The following IL13RA1 variants were observed in gnomAD, a reference collection of about 807,000 sequenced individuals.
IL13RA1 encodes interleukin-13 receptor subunit alpha-1.
Under a neutral mutation model 33.8 loss-of-function variants are expected in IL13RA1, and 14 were observed. That is an observed-to-expected ratio of 0.41 (90% CI 0.27 to 0.65). The LOEUF (loss-of-function observed/expected upper bound fraction) is 0.65. IL13RA1 is among the 30% of genes least tolerant of loss of function. The pLI is 0.28. For missense variants in IL13RA1, 313 were observed against 327.0 expected (o/e 0.96, Z 0.33); for synonymous variants, 116 against 115.7 (o/e 1.00, Z -0.02).
At chrX:118,804,450 A>G in the IL13RA1 span, among the ~76,000 whole-genome samples, 1 of 109,468 alleles carries the variant, frequency 9.1e-6, no homozygotes, top group African/African-American at 3.3e-5. Context: ...CCAACTTCTA[A>G]TATGTCTACG....
intron 1 of IL13RA1, among the ~76,000 whole-genome samples, chrX:118,730,289 C>G (rs1023579847): frequency 8.9e-6 from 1 of 112,182 alleles, no homozygotes; most frequent in Non-Finnish European, 1.9e-5. Flanking sequence ...CAGAGCAAGA[C>G]TGTCTCAAAA....
intron 5 of IL13RA1, 93 bp downstream of exon 5, chrX:118,758,335 G>A (rs1283394240): frequency 2.3e-6 from 1 of 426,488 alleles, no homozygotes; most frequent in African/African-American, 2.4e-5. Context: ...GATCATTCTG[G>A]GTTTAAGATC....
At chrX:118,745,556 A>C (rs183686044) in intron 2 of IL13RA1, among the ~76,000 whole-genome samples, 1 of 111,845 alleles carries the variant, frequency 8.9e-6, no homozygotes, top group East Asian at 2.8e-4. Flanking sequence ...CTTGGTAGTT[A>C]CTTCTCAGAG....
At chrX:118,800,698 G>C in the IL13RA1 span, among the ~76,000 whole-genome samples, 1 of 111,315 alleles carries the variant, frequency 9.0e-6, no homozygotes, top group East Asian at 2.8e-4. Context: ...TCGACCTTCC[G>C]GGCTGAAGTG....
intron 10 of IL13RA1, 70 bp downstream of exon 10, chrX:118,776,581 T>TA (rs2017786996): frequency 6.8e-6 from 3 of 441,418 alleles, no homozygotes; most frequent in African/African-American, 2.5e-5. Flanking sequence ...TGGCATTTTT[T>TA]AAAAAAGTGT....
chrX:118,784,129 GTATA>G (rs72041786), intron 10 of IL13RA1, among the ~76,000 whole-genome samples: 3 of 61,501 alleles, frequency 4.9e-5, no homozygotes, highest in Non-Finnish European at 7.7e-5. Flanking sequence ...GTATATATAT[GTATA>G]TATATATATA....
rs771454887 is a variant in IL13RA1, at chrX:118,761,179, A to C, written c.718A>C (p.Asn240His). The C allele has an allele frequency of 3.0e-6, 3 of 1,016,617 alleles. No individual in the cohort carries two copies. The highest frequency in any genetic ancestry group is 6.3e-5 in the East Asian group (2 of 31,574). The allele number at this position is 1,016,617 out of a possible 1,213,427, so 83.8% of individuals were successfully genotyped here. The change falls in exon 6 of 11, where the codon AAT (asparagine) becomes CAT (histidine). Residue 240 changes from asparagine (N) to histidine (H), a missense_variant. Physicochemically the swap from Asn to His is moderately conservative, Grantham distance 68. Transcript: ENST00000371666. ...ACATATTAAAAACCTCTCCTTCCAC[A>C]ATGATGACCTATATGTGCAATGGGA... ...PPHIKNLSFH[N>H]DDLYVQWENP...
intron 10 of IL13RA1, among the ~76,000 whole-genome samples, chrX:118,778,348 A>G (rs2017808462): frequency 1.8e-5 from 2 of 111,626 alleles, no homozygotes; most frequent in Admixed American, 9.6e-5. Context: ...CACAGACAGT[A>G]GATAACTCTG....
the IL13RA1 span, among the ~76,000 whole-genome samples, chrX:118,800,611 C>T: frequency 1.8e-5 from 2 of 110,232 alleles, no homozygotes; most frequent in African/African-American, 3.3e-5. Flanking sequence ...CGTGGGTCCG[C>T]GGCTTCATTC....
intron 1 of IL13RA1, among the ~76,000 whole-genome samples, chrX:118,739,458 G>T (rs1307840213): frequency 8.9e-6 from 1 of 111,903 alleles, no homozygotes; most frequent in Non-Finnish European, 1.9e-5. Flanking sequence ...TAGAGTACAA[G>T]ATTTAACTCT....
intron 4 of IL13RA1, among the ~76,000 whole-genome samples, chrX:118,755,786 A>G (rs866558702): frequency 1.8e-5 from 2 of 111,866 alleles, no homozygotes; most frequent in Non-Finnish European, 3.8e-5. Context: ...AAATTTCTTC[A>G]GTTTCTGTTT....
rs183981678 is a variant in IL13RA1, at chrX:118,767,967, A to C, written c.1009+991A>C. ...GAGTTGCCTTGGCAGACTGGAATCT[A>C]TCCTTGAAAGGATAATCAGGATGTT... On this transcript the variant is annotated intron_variant, in intron 8 of 10. Transcript: ENST00000371666. Among the ~76,000 whole-genome samples the C allele has an allele frequency of 4.5e-5, 5 of 112,118 alleles. No individual in the cohort carries two copies. In the Admixed American group the frequency reaches 4.7e-4, roughly 11 times the overall value.
intron 10 of IL13RA1, among the ~76,000 whole-genome samples, chrX:118,785,389 C>T (rs1484007729): frequency 9.0e-6 from 1 of 111,110 alleles, no homozygotes; most frequent in East Asian, 2.8e-4. Context: ...GCCGCTGCAC[C>T]CAGCCCTTCC....
downstream of IL13RA1, among the ~76,000 whole-genome samples, chrX:118,796,548 T>C (rs1290947486): frequency 8.9e-6 from 1 of 112,346 alleles, no homozygotes; most frequent in African/African-American, 3.2e-5. Context: ...TTTTGTTTTG[T>C]TTTTTTGAGA....
At chrX:118,766,672 T>G in intron 7 of IL13RA1, 95 bp downstream of exon 7, 1 of 611,094 alleles carries the variant, frequency 1.6e-6, no homozygotes, top group African/African-American at 2.2e-5. Context: ...AAAAACAAAT[T>G]ACGTTGTTCC....
chrX:118,728,037 G>C (rs1433407034), intron 1 of IL13RA1, among the ~76,000 whole-genome samples: 2 of 111,522 alleles, frequency 1.8e-5, no homozygotes, highest in African/African-American at 6.5e-5. Flanking sequence ...GGAGGCTGGC[G>C]TCCAGGCGTG....
chrX:118,753,512 G>A (rs2017492819), intron 4 of IL13RA1, among the ~76,000 whole-genome samples: 2 of 112,140 alleles, frequency 1.8e-5, no homozygotes, highest in Non-Finnish European at 1.9e-5. Flanking sequence ...TAGCATCCAA[G>A]GGGGCAGATA....
chrX:118,763,569 A>C (rs2017613093), intron 6 of IL13RA1, among the ~76,000 whole-genome samples: 1 of 112,406 alleles, frequency 8.9e-6, no homozygotes, highest in South Asian at 3.6e-4. Flanking sequence ...GCATGCTACA[A>C]AGATGCTCTT....
At chrX:118,746,878 A>G in intron 2 of IL13RA1, 76 bp from the exon 3 acceptor site, 1 of 756,828 alleles carries the variant, frequency 1.3e-6, no homozygotes, top group South Asian at 2.6e-5. Context: ...AAAGCACCAC[A>G]TTTAGACATG....
Sources: gnomAD v4.1 joint callset for allele counts (sites outside exome capture counted in the v4.1 genomes callset) on GRCh38, gnomAD v4.1.1 for gene constraint, MANE v1.5 for transcripts, NCBI Gene and HGNC (gene_info 2026-07-23, HGNC 2026-07-21) for gene names.